ESRRB: variants seen among roughly 807,000 people sequenced by gnomAD.
The protein encoded by ESRRB is steroid hormone receptor ERR2.
A neutral mutation model predicts 46.0 loss-of-function variants in ESRRB; 16 were observed. That is an observed-to-expected ratio of 0.35 (90% CI 0.24 to 0.53). The LOEUF is 0.53. ESRRB is among the 20% of genes least tolerant of loss of function. The pLI is 0.93. For missense variants in ESRRB, 488 were observed against 607.4 expected, an observed-to-expected ratio of 0.80 and a Z score of 2.07; for synonymous variants, 246 against 259.6, an observed-to-expected ratio of 0.95 and a Z score of 0.50.
At chr14:76,444,844 C>T (rs943009563) in intron 2 of ESRRB, among the ~76,000 whole-genome samples, 9 of 152,008 alleles carry the variant, frequency 5.9e-5, no homozygotes, top group African/African-American at 4.8e-5. Context: ...GAGCCATTCA[C>T]GAGTGCCTGT....
chr14:76,439,789 G>C (rs1317297937), intron 2 of ESRRB, 39 bp downstream of exon 2: 3 of 1,604,552 alleles, frequency 1.9e-6, no homozygotes, highest in East Asian at 2.2e-5. Context: ...CGCAGGGTTG[G>C]GGGTGGCAGC....
At chr14:76,361,939 T>G (rs1372004524) in intron 1 of ESRRB, among the ~76,000 whole-genome samples, 4 of 152,210 alleles carry the variant, frequency 2.6e-5, no homozygotes, top group African/African-American at 9.7e-5. Flanking sequence ...AGAGGGCAGC[T>G]TGGGAATAGG....
In ESRRB at chr14:76,447,622, C is replaced by A. The variant is rs925489849; in HGVS notation, c.460+7872C>A. 1.3e-5 allele frequency among the ~76,000 whole-genome samples: 2 copies of A among 152,186 alleles called. 1 individual carries two copies. Among genetic ancestry groups the A allele is most frequent in the Non-Finnish European group, 2.9e-5 (2 of 68,038 alleles). On this transcript the variant is annotated intron_variant, in intron 2 of 6. Coordinates refer to ENST00000644823, the MANE Select transcript of ESRRB (RefSeq NM_001379180.1). ...AGCGGTTTTCCTTCCATCACCATTT[C>A]TCCTTGTGTTCCCAATACAGTGCCT...
In ESRRB at chr14:76,443,949, G is replaced by A. The variant is rs144310711; in HGVS notation, c.460+4199G>A. On this transcript the variant is annotated intron_variant, in intron 2 of 6. Transcript: ENST00000644823. ...TTTCCACAAGGAGAGTTTCAAGTTC[G>A]TAACCAGAAAGAGGTTTATATTCAG... Among the ~76,000 whole-genome samples the A allele has an allele frequency of 3.1e-3, 476 of 152,304 alleles. 4 individuals are homozygous for A. The highest frequency in any genetic ancestry group is 0.011 in the African/African-American group (461 of 41,564).
chr14:76,500,007 AC>A lies in ESRRB; in HGVS notation c.*1555del, dbSNP rs1375524514. The A allele has an allele frequency of 6.4e-7, 1 of 1,568,556 alleles. No homozygotes were observed. Among genetic ancestry groups the A allele is most frequent in the African/African-American group, 1.4e-5 (1 of 73,790 alleles). ...CCCCAATCCACGCCCTTCTAGTCCA[AC>A]CCCCCTCAATGAGAGAGGCAGGCAG... On this transcript the variant is annotated 3_prime_UTR_variant, in exon 7 of 7. Transcript: ENST00000644823.
At chr14:76,326,175 A>G (rs1174922096) in intron 1 of ESRRB, among the ~76,000 whole-genome samples, 4 of 152,140 alleles carry the variant, frequency 2.6e-5, no homozygotes, top group African/African-American at 7.2e-5. Context: ...TCAGAATGCC[A>G]TGCCCAAGTG....
At chr14:76,357,422 A>C (rs1307961921) in intron 1 of ESRRB, among the ~76,000 whole-genome samples, 1 of 152,248 alleles carries the variant, frequency 6.6e-6, no homozygotes, top group African/African-American at 2.4e-5. Context: ...GCAGAATAGA[A>C]GCAGCCTACA....
chr14:76,455,307 T>TA lies in ESRRB; in HGVS notation c.461-7230dup, dbSNP rs576127188. Among the ~76,000 whole-genome samples, 33 of 152,042 alleles carry TA rather than the reference T, an allele frequency of 2.2e-4. No individual in the cohort carries two copies. The South Asian group carries it at 6.0e-3, about 28-fold the overall frequency. ...CCACTCTAATTCAGAGTTAACCATT[T>TA]AAAAAAAACTCTCTTCTATCATTTA... On this transcript the variant is annotated intron_variant, in intron 2 of 6. Transcript: ENST00000644823.
rs1595179336 is a variant in ESRRB, at chr14:76,499,093, A to C, written c.*635A>C. Reference sequence around the variant, plus strand: ...CTGGGCACCCCACCCCTCGGGGCCTACCCCCCTGCCTGTCACCCACCGCGC... The same window carrying C: ...CTGGGCACCCCACCCCTCGGGGCCTCCCCCCCTGCCTGTCACCCACCGCGC... On this transcript the variant is annotated 3_prime_UTR_variant, in exon 7 of 7. Transcript: ENST00000644823. 1 of 320,696 alleles carries C rather than the reference A, an allele frequency of 3.1e-6. No homozygotes were observed. The highest frequency in any genetic ancestry group is 6.1e-6 in the Non-Finnish European group (1 of 163,028). 19.9% of individuals were successfully genotyped at this position (320,696 alleles called of 1,614,324 possible).
At chr14:76,458,190 C>G (rs1255679428) in intron 2 of ESRRB, among the ~76,000 whole-genome samples, 1 of 152,110 alleles carries the variant, frequency 6.6e-6, no homozygotes, top group African/African-American at 2.4e-5. Flanking sequence ...AACTGCCACA[C>G]CTCAGCTGCA....
chr14:76,451,418 G>C (rs1297360644), intron 2 of ESRRB, among the ~76,000 whole-genome samples: 1 of 152,162 alleles, frequency 6.6e-6, no homozygotes, highest in Non-Finnish European at 1.5e-5. Context: ...GCATGTGAGG[G>C]TGTAACTAAG....
At chr14:76,422,619 A>G (rs1887019294) in intron 1 of ESRRB, among the ~76,000 whole-genome samples, 1 of 152,192 alleles carries the variant, frequency 6.6e-6, no homozygotes, top group Admixed American at 6.5e-5. Context: ...TGCTGAGATA[A>G]CAGCACATAT....
chr14:76,469,944 C>CTTTTTTTTTTTTTTTTTTTTTTTTTTTT (rs1178018542), intron 3 of ESRRB, among the ~76,000 whole-genome samples: 2 of 73,074 alleles, frequency 2.7e-5, no homozygotes, highest in Non-Finnish European at 5.5e-5. Context: ...TTTTTTTTTT[C>CTTTTTTTTTTTTTTTTTTTTTTTTTTTT]TTTTTTTTTT....
At chr14:76,425,288 CTTTTAT>C (rs955935428) in intron 1 of ESRRB, among the ~76,000 whole-genome samples, 18 of 152,246 alleles carry the variant, frequency 1.2e-4, no homozygotes, top group African/African-American at 4.1e-4. Flanking sequence ...ACAAAAAAAC[CTTTTAT>C]TTTTATTTTT....
At chr14:76,346,300 G>A (rs1435032583) in intron 1 of ESRRB, among the ~76,000 whole-genome samples, 1 of 152,144 alleles carries the variant, frequency 6.6e-6, no homozygotes, top group African/African-American at 2.4e-5. Flanking sequence ...TACTTGGTGG[G>A]GAACTGCTAT....
At chr14:76,420,190 A>G (rs1886881632) in intron 1 of ESRRB, among the ~76,000 whole-genome samples, 1 of 152,208 alleles carries the variant, frequency 6.6e-6, no homozygotes, top group African/African-American at 2.4e-5. Flanking sequence ...TCCCAGGTAA[A>G]TCTCAGGACC....
chr14:76,383,964 T>G (rs1161148132), intron 1 of ESRRB, among the ~76,000 whole-genome samples: 1 of 152,080 alleles, frequency 6.6e-6, no homozygotes, highest in Non-Finnish European at 1.5e-5. Flanking sequence ...GCACTAAACT[T>G]TATGCAAAAC....
At chr14:76,411,076 G>A (rs118093958) in intron 1 of ESRRB, among the ~76,000 whole-genome samples, 1,609 of 151,660 alleles carry the variant, frequency 0.011, 15 homozygotes, top group Non-Finnish European at 0.016. Context: ...GAGCCACCGC[G>A]CCTGGCCCAT....
At chr14:76,486,510 C>T (rs375671590) in intron 5 of ESRRB, among the ~76,000 whole-genome samples, 1 of 152,070 alleles carries the variant, frequency 6.6e-6, no homozygotes, top group Non-Finnish European at 1.5e-5. Context: ...TCGACAGAAA[C>T]GATCATAAAT....
Sources: allele counts gnomAD v4.1 joint callset (sites outside exome capture counted in the v4.1 genomes callset), GRCh38; gene constraint gnomAD v4.1.1; transcripts MANE v1.5; gene names NCBI Gene and HGNC (gene_info 2026-07-23, HGNC 2026-07-21).